Variants in IFNAR2 observed in about 807,000 individuals in gnomAD.
IFNAR2 encodes interferon alpha and beta receptor subunit 2, also known as interferon alpha/beta receptor 2.
A neutral mutation model predicts 49.4 loss-of-function variants in IFNAR2; 30 were observed. The observed-to-expected ratio is 0.61, with a 90% CI of 0.45 to 0.82. The LOEUF (loss-of-function observed/expected upper bound fraction) is 0.82, where lower values mean the gene tolerates loss of function less well. Ranked by LOEUF, IFNAR2 falls within the 40% of genes least tolerant of loss-of-function variation. The pLI, the probability that IFNAR2 is intolerant of heterozygous loss-of-function variation, is 0.00. For missense variants in IFNAR2, 600 were observed against 622.7 expected (o/e 0.96, Z 0.39); for synonymous variants, 224 against 234.5 (o/e 0.96, Z 0.41).
At chr21:33,262,271 A>G (rs1988632634) in intron 8 of IFNAR2, among the ~76,000 whole-genome samples, 1 of 150,950 alleles carries the variant, frequency 6.6e-6, no homozygotes, top group Admixed American at 6.6e-5. Context: ...AGGCTGAGGC[A>G]GAGAATTGCT....
intron 6 of IFNAR2, among the ~76,000 whole-genome samples, chr21:33,250,265 C>A (rs1490478832): frequency 6.6e-6 from 1 of 152,072 alleles, no homozygotes; most frequent in Non-Finnish European, 1.5e-5. Context: ...TCAATCATGT[C>A]TCGTTTGTGT....
intron 8 of IFNAR2, 95 bp downstream of exon 8, chr21:33,260,822 A>T (rs999804650): frequency 3.8e-6 from 3 of 796,816 alleles, no homozygotes; most frequent in African/African-American, 1.8e-5. Context: ...CACAGAAGAA[A>T]ATCTCATTTT....
In IFNAR2 at chr21:33,261,176, A is replaced by G. The variant is rs1988548340; in HGVS notation, c.840+449A>G. On this transcript the variant is annotated intron_variant, in intron 8 of 8. Transcript: ENST00000342136. Reference sequence around the variant, plus strand: ...CTCAGCCTCTCAAGTAGCTGGGACTACAGGCGTGTGCTACCACACCTGGCT... The same window carrying G: ...CTCAGCCTCTCAAGTAGCTGGGACTGCAGGCGTGTGCTACCACACCTGGCT... Among the ~76,000 whole-genome samples the G allele has an allele frequency of 2.7e-5, 4 of 150,920 alleles. No homozygotes were observed. In the Admixed American group the frequency reaches 2.7e-4, roughly 10 times the overall value.
rs774353095 is a variant in IFNAR2, at chr21:33,262,925, G to A, written c.973G>A (p.Asp325Asn). ...DYNYDDESDS[D>N]TEAAPRTSGG... ...TAATTATGATGATGAAAGTGATAGC[G>A]ATACTGAGGCAGCGCCCAGGACAAG... Residue 325 changes from aspartate to asparagine, a missense_variant, in exon 9 of 9, where the codon GAT becomes AAT. By Grantham distance (23) the Asp-to-Asn change is conservative. Coordinates refer to ENST00000342136, the MANE Select transcript of IFNAR2 (RefSeq NM_001289125.3). The A allele has an allele frequency of 2.5e-6, 4 of 1,614,178 alleles. No homozygotes were observed. The highest frequency in any genetic ancestry group is 2.2e-5 in the South Asian group (2 of 91,082).
chr21:33,236,616 C>G (rs1986481822), intron 1 of IFNAR2: 1 of 893,652 alleles, frequency 1.1e-6, no homozygotes, highest in Non-Finnish European at 1.3e-6. Context: ...CCAGTTGATG[C>G]CCCATGCCAA....
chr21:33,230,280 C>A lies in IFNAR2; in HGVS notation c.-84+64C>A. 1.8e-6 allele frequency: 2 copies of A among 1,094,654 alleles called. No individual in the cohort carries two copies. Among genetic ancestry groups the A allele is most frequent in the Non-Finnish European group, 2.3e-6 (2 of 887,818 alleles). The allele number at this position is 1,094,654 out of a possible 1,614,324, so 67.8% of individuals were successfully genotyped here. On this transcript the variant is annotated intron_variant, in intron 1 of 8. Coordinates refer to ENST00000342136, the MANE Select transcript of IFNAR2 (RefSeq NM_001289125.3). The surrounding 1 kb of genome is among the most constrained non-coding windows in gnomAD (Gnocchi z 5.5). ...GGCCAGCTGACTGGAGGGAAAACGCCGCCTCCCTGCAGCGGTTCCCGGAAT... is the reference window on the plus strand; with the variant it reads ...GGCCAGCTGACTGGAGGGAAAACGCAGCCTCCCTGCAGCGGTTCCCGGAAT...
intron 7 of IFNAR2, among the ~76,000 whole-genome samples, chr21:33,258,310 A>G (rs1988348885): frequency 6.6e-6 from 1 of 152,112 alleles, no homozygotes; most frequent in Non-Finnish European, 1.5e-5. Context: ...GTCTCAACAA[A>G]AAGAGAAGCA....
At chr21:33,235,053 G>A (rs7509997) in intron 1 of IFNAR2, among the ~76,000 whole-genome samples, 31,434 of 152,204 alleles carry the variant, frequency 0.21, 3,408 homozygotes, top group Non-Finnish European at 0.24. Flanking sequence ...ACTTCTGCAT[G>A]TTGCCATGGC....
chr21:33,230,330 C>T lies in IFNAR2; in HGVS notation c.-84+114C>T. On this transcript the variant is annotated intron_variant, in intron 1 of 8. Transcript: ENST00000342136. This position sits in a 1 kb window ranked among gnomAD's most constrained non-coding sequence, Gnocchi z 5.5. Reference sequence around the variant, plus strand: ...TCCCCTCCGGTTCCCTCTCGCTCTCCCCGACTCCTCCTCCTCCTCCTGCCC... The same window carrying T: ...TCCCCTCCGGTTCCCTCTCGCTCTCTCCGACTCCTCCTCCTCCTCCTGCCC... 4 of 862,854 alleles carry T rather than the reference C, an allele frequency of 4.6e-6. No individual in the cohort carries two copies. Among genetic ancestry groups the T allele is most frequent in the Non-Finnish European group, 6.1e-6 (4 of 659,390 alleles). 53.4% of individuals were successfully genotyped at this position (862,854 alleles called of 1,614,324 possible). A position where few individuals can be genotyped will look rare whatever the true frequency, so the allele number is the denominator to read the frequency against.
intron 7 of IFNAR2, among the ~76,000 whole-genome samples, chr21:33,254,028 G>A (rs1271894295): frequency 1.3e-5 from 2 of 148,406 alleles, no homozygotes; most frequent in Non-Finnish European, 1.5e-5. Flanking sequence ...TGGCTCAAAT[G>A]CCTCTGACAC....
intron 1 of IFNAR2, among the ~76,000 whole-genome samples, chr21:33,238,232 A>G (rs1986629336): frequency 6.6e-6 from 1 of 151,928 alleles, no homozygotes; most frequent in African/African-American, 2.4e-5. Flanking sequence ...CTGGCAGTCA[A>G]CTCGTCTCTT....
rs1985946811 is a variant in IFNAR2 at position 33,230,330 on chromosome 21, C to A, written c.-84+114C>A. The A allele has an allele frequency of 1.0e-5, 9 of 862,736 alleles. No homozygotes were observed. Among genetic ancestry groups the A allele is most frequent in the Non-Finnish European group, 1.2e-5 (8 of 659,398 alleles). The allele number at this position is 862,736 out of a possible 1,614,324, so 53.4% of individuals were successfully genotyped here. A position where few individuals can be genotyped will look rare whatever the true frequency, so the allele number is the denominator to read the frequency against. On this transcript the variant is annotated intron_variant, in intron 1 of 8. Coordinates refer to ENST00000342136, the MANE Select transcript of IFNAR2 (RefSeq NM_001289125.3). This position sits in a 1 kb window ranked among gnomAD's most constrained non-coding sequence, Gnocchi z 5.5. Reference sequence around the variant, plus strand: ...TCCCCTCCGGTTCCCTCTCGCTCTCCCCGACTCCTCCTCCTCCTCCTGCCC... The same window carrying A: ...TCCCCTCCGGTTCCCTCTCGCTCTCACCGACTCCTCCTCCTCCTCCTGCCC...
At chr21:33,234,468 C>A (rs1470350342) in intron 1 of IFNAR2, among the ~76,000 whole-genome samples, 1 of 151,942 alleles carries the variant, frequency 6.6e-6, no homozygotes, top group East Asian at 1.9e-4. Flanking sequence ...TTTCTGAATC[C>A]ACTTCATTCA....
At chr21:33,251,236 G>A (rs1417558209) in intron 6 of IFNAR2, among the ~76,000 whole-genome samples, 1 of 152,130 alleles carries the variant, frequency 6.6e-6, no homozygotes, top group African/African-American at 2.4e-5. Context: ...AACCAGCATG[G>A]TAGGGAGAGA....
intron 5 of IFNAR2, 31 bp from the exon 6 acceptor site, chr21:33,248,678 A>G: frequency 1.3e-6 from 2 of 1,579,140 alleles, no homozygotes; most frequent in Non-Finnish European, 1.7e-6. Flanking sequence ...TCTCTGTGAC[A>G]TATTCCTGTC....
chr21:33,254,875 C>T (rs1188936009), intron 7 of IFNAR2, among the ~76,000 whole-genome samples: 2 of 152,186 alleles, frequency 1.3e-5, no homozygotes, highest in African/African-American at 4.8e-5. Context: ...GGCCATTGGT[C>T]ACTCATATTT....
At chr21:33,231,616 T>TG in intron 1 of IFNAR2, 15 of 749,848 alleles carry the variant, frequency 2.0e-5, no homozygotes, top group Non-Finnish European at 2.4e-5. Context: ...GGCTCACACT[T>TG]GCACACTCAA....
chr21:33,256,374 G>T (rs1209442541), intron 7 of IFNAR2, among the ~76,000 whole-genome samples: 1 of 152,170 alleles, frequency 6.6e-6, no homozygotes, highest in Non-Finnish European at 1.5e-5. Flanking sequence ...TCAAATTCTT[G>T]TTTGAAACTC....
chr21:33,253,044 C>T (rs1987972417), intron 7 of IFNAR2, among the ~76,000 whole-genome samples: 1 of 152,120 alleles, frequency 6.6e-6, no homozygotes, highest in African/African-American at 2.4e-5. Flanking sequence ...AGATACTACT[C>T]GATGAGATCA....
Sources: allele counts gnomAD v4.1 joint callset (sites outside exome capture counted in the v4.1 genomes callset), GRCh38; gene constraint gnomAD v4.1.1; non-coding constraint Gnocchi (gnomAD v3.1); transcripts MANE v1.5; gene names NCBI Gene and HGNC (gene_info 2026-07-23, HGNC 2026-07-21).